Variants in PTPRN2 observed in about 807,000 individuals in gnomAD.
PTPRN2 encodes receptor-type tyrosine-protein phosphatase N2.
Under a neutral mutation model 118.8 loss-of-function variants are expected in PTPRN2, and 74 were observed. That is an observed-to-expected ratio of 0.62 (90% CI 0.52 to 0.76). PTPRN2 has a LOEUF of 0.76. PTPRN2 is among the 30% of genes least tolerant of loss of function. PTPRN2 has a pLI of 0.00. For missense variants in PTPRN2, 1,481 were observed against 1,394.4 expected, an observed-to-expected ratio of 1.06 and a Z score of -0.99; for synonymous variants, 641 against 608.0, an observed-to-expected ratio of 1.05 and a Z score of -0.80.
chr7:157,785,511 C>G lies in PTPRN2; in HGVS notation c.1789-102574G>C, dbSNP rs918586891. 6.6e-6 allele frequency among the ~76,000 whole-genome samples: 1 copy of G among 152,238 alleles called. No homozygotes were observed. The highest frequency in any genetic ancestry group is 2.4e-5 in the African/African-American group (1 of 41,462). On this transcript the variant is annotated intron_variant, in intron 12 of 22. Coordinates refer to ENST00000389418, the MANE Select transcript of PTPRN2 (RefSeq NM_002847.5). This position sits in a 1 kb window ranked among gnomAD's most constrained non-coding sequence, Gnocchi z 7.3. ...ACTCGCGGGCAGGCCTCCCCAGGAC[C>G]AGAGCGCCTGCGACCTGCCTGGGTG...
chr7:157,608,814 A>C (rs941610675), intron 15 of PTPRN2, among the ~76,000 whole-genome samples: 1 of 152,196 alleles, frequency 6.6e-6, no homozygotes. Context: ...ATGAAATATC[A>C]GACCTCCCTG....
intron 6 of PTPRN2, among the ~76,000 whole-genome samples, chr7:158,155,655 T>TCATCAC (rs1491063026): frequency 1.7e-4 from 1 of 5,958 alleles, no homozygotes; most frequent in African/African-American, 3.9e-4. Context: ...ATCATTGCCA[T>TCATCAC]CATCACCATC....
At chr7:158,504,414 A>C (rs569870047) in intron 1 of PTPRN2, among the ~76,000 whole-genome samples, 1 of 151,858 alleles carries the variant, frequency 6.6e-6, no homozygotes, top group Non-Finnish European at 1.5e-5. Flanking sequence ...TGCTCCCGTC[A>C]TTCAGCTCCC....
chr7:158,005,354 G>A (rs535695687), intron 11 of PTPRN2, among the ~76,000 whole-genome samples: 8 of 152,286 alleles, frequency 5.3e-5, no homozygotes, highest in African/African-American at 9.6e-5. Context: ...GATTACAGGC[G>A]TGAGCCACCG....
chr7:157,564,790 A>G (rs1489911605), intron 21 of PTPRN2, among the ~76,000 whole-genome samples: 1 of 152,244 alleles, frequency 6.6e-6, no homozygotes, highest in African/African-American at 2.4e-5. Flanking sequence ...TAAGAGAATT[A>G]CGGTCGATGT....
intron 14 of PTPRN2, among the ~76,000 whole-genome samples, chr7:157,623,515 G>A (rs886832397): frequency 6.6e-6 from 1 of 152,144 alleles, no homozygotes. Context: ...TAATCCAATC[G>A]AAAATATTAT....
chr7:157,713,623 G>C (rs566273836), intron 12 of PTPRN2, among the ~76,000 whole-genome samples: 1 of 152,324 alleles, frequency 6.6e-6, no homozygotes, highest in Admixed American at 6.5e-5. Context: ...GATCTCACCA[G>C]GGACCAAGGC....
intron 22 of PTPRN2, among the ~76,000 whole-genome samples, chr7:157,543,990 T>G (rs1585006787): frequency 2.1e-5 from 3 of 145,710 alleles, no homozygotes; most frequent in East Asian, 2.0e-4. Context: ...CAGAGAGAGG[T>G]GGAGAGAGAT....
At chr7:157,817,246 C>T (rs1806469152) in intron 12 of PTPRN2, among the ~76,000 whole-genome samples, 1 of 152,268 alleles carries the variant, frequency 6.6e-6, no homozygotes, top group Non-Finnish European at 1.5e-5. Context: ...GGCTCTGCTT[C>T]CCTTCTGCTG....
chr7:158,188,576 G>GCCGCCACGCTCGCCCCCTGATGGGGAAGC (rs1563577641), intron 5 of PTPRN2, among the ~76,000 whole-genome samples: 1 of 114,212 alleles, frequency 8.8e-6, no homozygotes, highest in African/African-American at 3.8e-5. Flanking sequence ...TATGGGGAAG[G>GCCGCCACGCTCGCCCCCTGATGGGGAAGC]CCGCCACGCT....
chr7:157,561,723 G>A (rs1430385719), intron 21 of PTPRN2, among the ~76,000 whole-genome samples: 2 of 152,224 alleles, frequency 1.3e-5, no homozygotes, highest in Non-Finnish European at 1.5e-5. Context: ...AGGACAGCCC[G>A]TGAGTGAAGC....
intron 11 of PTPRN2, among the ~76,000 whole-genome samples, chr7:158,045,264 C>G (rs1808756940): frequency 6.6e-6 from 1 of 152,248 alleles, no homozygotes; most frequent in Non-Finnish European, 1.5e-5. Flanking sequence ...ATCCGTGAGG[C>G]TGAGCTAGCC....
intron 11 of PTPRN2, among the ~76,000 whole-genome samples, chr7:157,941,347 C>T (rs1276175335): frequency 9.8e-6 from 1 of 102,318 alleles, no homozygotes; most frequent in Non-Finnish European, 1.7e-5. Context: ...CACTGCAAAT[C>T]TGACACCCTC....
chr7:158,218,286 T>A (rs1323641962), intron 3 of PTPRN2, among the ~76,000 whole-genome samples: 11 of 152,134 alleles, frequency 7.2e-5, no homozygotes, highest in African/African-American at 2.2e-4. Context: ...GGGCCCTATT[T>A]TCAGCATCCT....
At chr7:158,270,852 G>A (rs182417156) in intron 3 of PTPRN2, among the ~76,000 whole-genome samples, 182 of 8,042 alleles carry the variant, frequency 0.023, 6 homozygotes, top group East Asian at 0.043. Flanking sequence ...CACCTGGACC[G>A]CCCCCCCACC....
At chr7:158,119,190 A>G (rs1198842189) in intron 9 of PTPRN2, among the ~76,000 whole-genome samples, 1 of 152,204 alleles carries the variant, frequency 6.6e-6, no homozygotes, top group Admixed American at 6.5e-5. Context: ...TACAAACAAT[A>G]CCATTTAAAA....
At chr7:158,460,377 T>C (rs1818894132) in intron 2 of PTPRN2, among the ~76,000 whole-genome samples, 1 of 40,420 alleles carries the variant, frequency 2.5e-5, no homozygotes, top group South Asian at 5.6e-4. Context: ...TACATGTTCC[T>C]GCTACAGGGG....
chr7:158,266,566 A>T (rs1404680724), intron 3 of PTPRN2, among the ~76,000 whole-genome samples: 1 of 152,132 alleles, frequency 6.6e-6, no homozygotes, highest in Admixed American at 6.5e-5. Flanking sequence ...AGCCGGGGCC[A>T]GTGTGGCTGT....
intron 12 of PTPRN2, among the ~76,000 whole-genome samples, chr7:157,799,337 TCCAAAGACC>T (rs113396294): frequency 0.04 from 6,123 of 152,148 alleles, 402 homozygotes; most frequent in African/African-American, 0.14. Flanking sequence ...CTCCCCAGGC[TCCAAAGACC>T]CCACATCGCC....
Sources: gnomAD v4.1 joint callset for allele counts (sites outside exome capture counted in the v4.1 genomes callset) on GRCh38, gnomAD v4.1.1 for gene constraint, Gnocchi (gnomAD v3.1) non-coding constraint, MANE v1.5 for transcripts, NCBI Gene and HGNC (gene_info 2026-07-23, HGNC 2026-07-21) for gene names.